Variants in TMEM272 observed in about 807,000 individuals in gnomAD.
TMEM272 encodes the protein transmembrane protein 272, also known as long intergenic non-protein coding RNA 282.
In TMEM272, 8 loss-of-function variants were observed where a neutral mutation model predicts 3.7. The ratio of observed to expected loss-of-function variants is 2.17; its 90% CI spans 1.27 to 3.91. The LOEUF is 3.91. Among genes scored for constraint, TMEM272 ranks in the 30% most tolerant of loss-of-function variants. The pLI is 0.00. For missense variants in TMEM272, 166 were observed against 91.5 expected (o/e 1.81, Z -3.32); for synonymous variants, 63 against 39.8 (o/e 1.58, Z -2.20).
the TMEM272 span, among the ~76,000 whole-genome samples, chr13:51,923,274 T>C: frequency 6.6e-6 from 1 of 152,322 alleles, no homozygotes; most frequent in African/African-American, 2.4e-5. Context: ...AGATCTGGGC[T>C]GCGACTCAGT....
the TMEM272 span, among the ~76,000 whole-genome samples, chr13:51,896,348 ACGTGTG>A: frequency 6.6e-6 from 1 of 152,212 alleles, no homozygotes; most frequent in Non-Finnish European, 1.5e-5. Flanking sequence ...ACAGAGAAAC[ACGTGTG>A]TGTAACACAA....
At chr13:51,861,519 C>T in the TMEM272 span, among the ~76,000 whole-genome samples, 1 of 152,020 alleles carries the variant, frequency 6.6e-6, no homozygotes, top group East Asian at 1.9e-4. Context: ...AATCCATGAA[C>T]TTGTAAACAG....
At chr13:51,909,138 A>C in the TMEM272 span, 1 of 1,442,052 alleles carries the variant, frequency 6.9e-7, no homozygotes, top group African/African-American at 1.4e-5. Flanking sequence ...ATCTTTTTCT[A>C]AAAGTTTAAT....
the TMEM272 span, among the ~76,000 whole-genome samples, chr13:51,875,284 A>T: frequency 6.6e-6 from 1 of 152,186 alleles, no homozygotes; most frequent in Non-Finnish European, 1.5e-5. Context: ...AAAAGGTGGA[A>T]TGGGGATTTG....
At chr13:51,899,286 T>C in the TMEM272 span, among the ~76,000 whole-genome samples, 3 of 152,124 alleles carry the variant, frequency 2.0e-5, no homozygotes, top group Non-Finnish European at 4.4e-5. Flanking sequence ...ATACTTGAGA[T>C]AAACAACATA....
At chr13:51,895,499 C>T in the TMEM272 span, among the ~76,000 whole-genome samples, 1 of 152,074 alleles carries the variant, frequency 6.6e-6, no homozygotes. Context: ...TCTTGGATAG[C>T]CCTGAAAAGA....
Position 51,822,079 on chromosome 13 carries a change from C to A in TMEM272, c.177G>T (p.Val59=), listed in dbSNP as rs1001407405. ...IQPLIPLYLL[V]GGIVGTLKVS... ...CCTTTAAGGTACCGACGATGCCACC[C>A]ACTAGCAAATATAAAGGAATGAGGG... is the stretch of plus-strand genomic sequence containing the variant. Residue 59 remains valine, a synonymous_variant, in exon 4 of 5, where the codon GTG becomes GTT. Transcript: ENST00000629372. 2.7e-5 allele frequency: 19 copies of A among 702,300 alleles called. No individual in the cohort carries two copies. Among genetic ancestry groups the A allele is most frequent in the Admixed American group, 1.6e-4 (8 of 49,978 alleles). 43.5% of individuals were successfully genotyped at this position (702,300 alleles called of 1,614,324 possible).
chr13:51,849,664 C>A (rs1013016181), upstream of TMEM272, among the ~76,000 whole-genome samples: 1 of 152,178 alleles, frequency 6.6e-6, no homozygotes, highest in South Asian at 2.1e-4. Context: ...TGGGAGGATG[C>A]GCGGACACGC....
rs1955998595 is a variant in TMEM272, at chr13:51,814,508, G to A, written c.*2243C>T. 2.0e-5 allele frequency: 3 copies of A among 152,398 alleles called. No individual in the cohort carries two copies. Among genetic ancestry groups the A allele is most frequent in the East Asian group, 1.9e-4 (1 of 5,186 alleles). The allele number at this position is 152,398 out of a possible 1,614,324, so 9.4% of individuals were successfully genotyped here. On this transcript the variant is annotated 3_prime_UTR_variant, in exon 5 of 5. Transcript: ENST00000629372. The stretch of plus-strand genomic sequence containing the variant: ...GTCTCATTCTGTCACCCAGAGTAGA[G>A]TGCAGTGGTGCAATCATAGCTCACT...
At chr13:51,888,872 C>T in the TMEM272 span, among the ~76,000 whole-genome samples, 1 of 151,960 alleles carries the variant, frequency 6.6e-6, no homozygotes, top group East Asian at 1.9e-4. Context: ...GTCTCAAACG[C>T]CTGACCTCGT....
the TMEM272 span, among the ~76,000 whole-genome samples, chr13:51,925,369 C>T: frequency 6.6e-6 from 1 of 152,192 alleles, no homozygotes; most frequent in African/African-American, 2.4e-5. Context: ...AAAAGTACTG[C>T]CGGTGAGCAC....
chr13:51,921,924 ATGTG>A, the TMEM272 span, among the ~76,000 whole-genome samples: 1 of 151,498 alleles, frequency 6.6e-6, no homozygotes, highest in Non-Finnish European at 1.5e-5. Flanking sequence ...GTGTGTGTGT[ATGTG>A]TGTGTGTGTT....
chr13:51,888,449 C>T, the TMEM272 span, among the ~76,000 whole-genome samples: 3 of 152,150 alleles, frequency 2.0e-5, no homozygotes, highest in South Asian at 2.1e-4. Context: ...CCAGGCTACC[C>T]GTGTTAACAA....
chr13:51,884,377 A>C, the TMEM272 span, among the ~76,000 whole-genome samples: 1 of 152,198 alleles, frequency 6.6e-6, no homozygotes, highest in Non-Finnish European at 1.5e-5. Context: ...CTGTGACTTT[A>C]TTTAGATGTC....
At chr13:51,899,563 G>C in the TMEM272 span, among the ~76,000 whole-genome samples, 1 of 150,330 alleles carries the variant, frequency 6.7e-6, no homozygotes, top group East Asian at 2.0e-4. Context: ...GTATTAAGAC[G>C]GCAATATTTC....
chr13:51,924,292 C>T, the TMEM272 span, among the ~76,000 whole-genome samples: 2 of 152,178 alleles, frequency 1.3e-5, no homozygotes, highest in Non-Finnish European at 2.9e-5. Flanking sequence ...AAGTGGCTCT[C>T]ACCTGTAATC....
chr13:51,868,503 T>C, the TMEM272 span, among the ~76,000 whole-genome samples: 1 of 152,326 alleles, frequency 6.6e-6, no homozygotes, highest in Admixed American at 6.5e-5. Context: ...ACAGATAGAG[T>C]GCAGATAACA....
chr13:51,828,041 C>T (rs1286605673), intron 2 of TMEM272, among the ~76,000 whole-genome samples: 1 of 152,104 alleles, frequency 6.6e-6, no homozygotes, highest in Admixed American at 6.5e-5. Flanking sequence ...AGCCAGCCTG[C>T]GAATGAGAAC....
At chr13:51,834,059 C>A (rs537744956) in intron 2 of TMEM272, among the ~76,000 whole-genome samples, 47 of 152,274 alleles carry the variant, frequency 3.1e-4, no homozygotes, top group Admixed American at 1.8e-3. Flanking sequence ...CTCGTAAAGA[C>A]CCCGACATCT....
Sources: gnomAD v4.1 joint callset for allele counts (sites outside exome capture counted in the v4.1 genomes callset) on GRCh38, gnomAD v4.1.1 for gene constraint, MANE v1.5 for transcripts, NCBI Gene and HGNC (gene_info 2026-07-23, HGNC 2026-07-21) for gene names.